The following CPM variants were observed in gnomAD, a reference collection of about 807,000 sequenced individuals.
CPM encodes the protein renal carboxypeptidase.
A neutral mutation model predicts 46.4 loss-of-function variants in CPM; 35 were observed. That is an observed-to-expected ratio of 0.75 (90% CI 0.58 to 1.00). The LOEUF is 1.00. CPM is among the 50% of genes least tolerant of loss of function. The probability of loss-of-function intolerance (pLI) is 0.00; values close to 1 mark genes in which losing one functional copy is unlikely to be tolerated. For synonymous variants in CPM, 195 were observed against 195.3 expected, an observed-to-expected ratio of 1.00 and a Z score of 0.01; for missense variants, 422 against 530.4, an observed-to-expected ratio of 0.80 and a Z score of 2.01.
At chr12:68,873,736 A>G (rs1885815228) in intron 3 of CPM, among the ~76,000 whole-genome samples, 1 of 151,998 alleles carries the variant, frequency 6.6e-6, no homozygotes. Flanking sequence ...AGGCAACCAT[A>G]AAATTTAGAG....
intron 8 of CPM, among the ~76,000 whole-genome samples, chr12:68,858,605 C>T (rs144420987): frequency 6.6e-6 from 1 of 152,148 alleles, no homozygotes; most frequent in East Asian, 1.9e-4. Context: ...TATAAACTAC[C>T]TTTGCTACAT....
At chr12:68,925,945 C>G (rs1303335769) in intron 2 of CPM, among the ~76,000 whole-genome samples, 1 of 152,144 alleles carries the variant, frequency 6.6e-6, no homozygotes, top group Non-Finnish European at 1.5e-5. Flanking sequence ...GGGTCTCACC[C>G]TATCACCCAG....
intron 2 of CPM, among the ~76,000 whole-genome samples, chr12:68,890,817 T>C (rs1886624359): frequency 6.6e-6 from 1 of 151,942 alleles, no homozygotes; most frequent in Admixed American, 6.6e-5. Flanking sequence ...ATGTGGAGAG[T>C]CTCAATGGGA....
intron 6 of CPM, among the ~76,000 whole-genome samples, chr12:68,868,607 A>T (rs1299993181): frequency 6.6e-6 from 1 of 152,042 alleles, no homozygotes; most frequent in Non-Finnish European, 1.5e-5. Flanking sequence ...TCTAATAAGA[A>T]TATCTCTCCT....
At chr12:68,900,580 C>T (rs1420026362) in intron 2 of CPM, among the ~76,000 whole-genome samples, 2 of 152,146 alleles carry the variant, frequency 1.3e-5, no homozygotes, top group Non-Finnish European at 2.9e-5. Flanking sequence ...AATTATACAG[C>T]TATTTACATT....
intron 5 of CPM, chr12:68,845,434 A>G (rs1884212435): frequency 9.6e-6 from 2 of 208,804 alleles, no homozygotes; most frequent in Non-Finnish European, 1.9e-5. Flanking sequence ...AAGCAAGCAG[A>G]TGGGAGGCGT....
intron 2 of CPM, among the ~76,000 whole-genome samples, chr12:68,890,325 G>A (rs564282254): frequency 3.3e-5 from 5 of 151,476 alleles, no homozygotes; most frequent in East Asian, 1.9e-4. Context: ...TGATAAAGCT[G>A]AGTAATTATT....
chr12:68,945,846 CTTTTTTT>C (rs1170064808), intron 1 of CPM, among the ~76,000 whole-genome samples: 77 of 88,466 alleles, frequency 8.7e-4, no homozygotes, highest in African/African-American at 3.1e-3. Flanking sequence ...TTCTTTCTTT[CTTTTTTT>C]TTTTTTTTTT....
intron 2 of CPM, among the ~76,000 whole-genome samples, chr12:68,931,175 T>C (rs377280625): frequency 6.6e-6 from 1 of 152,212 alleles, no homozygotes; most frequent in Non-Finnish European, 1.5e-5. Context: ...GCCCAGGATA[T>C]TGACTTCGCA....
At chr12:68,866,871 GAATT>G in intron 7 of CPM, 21 bp downstream of exon 7, 3 of 1,586,206 alleles carry the variant, frequency 1.9e-6, no homozygotes, top group Non-Finnish European at 2.6e-6. Context: ...TATTAATAGG[GAATT>G]AATAAGAAAA....
chr12:68,889,449 G>C (rs915519072), intron 2 of CPM, among the ~76,000 whole-genome samples: 1 of 152,152 alleles, frequency 6.6e-6, no homozygotes, highest in South Asian at 2.1e-4. Flanking sequence ...TATGGAAAAA[G>C]AATGCAAAAT....
chr12:68,911,509 G>A (rs7964615), intron 2 of CPM, among the ~76,000 whole-genome samples: 10,252 of 152,220 alleles, frequency 0.067, 740 homozygotes, highest in African/African-American at 0.18. Context: ...AGGGTGTTGT[G>A]TAGATTCATT....
intron 2 of CPM, among the ~76,000 whole-genome samples, chr12:68,903,061 A>AGAGCTCT (rs1164398910): frequency 6.6e-6 from 1 of 152,250 alleles, no homozygotes; most frequent in East Asian, 1.9e-4. Context: ...TGTATCTATA[A>AGAGCTCT]GAGCTCTGAG....
At chr12:68,929,460 A>C (rs961130016) in intron 2 of CPM, among the ~76,000 whole-genome samples, 2 of 152,130 alleles carry the variant, frequency 1.3e-5, no homozygotes, top group Non-Finnish European at 2.9e-5. Flanking sequence ...GATTTTTCTG[A>C]ACTAAGTCAT....
intron 2 of CPM, among the ~76,000 whole-genome samples, chr12:68,923,713 G>A (rs938292105): frequency 2.0e-5 from 3 of 152,118 alleles, no homozygotes; most frequent in African/African-American, 7.2e-5. Flanking sequence ...TCCACTAGAA[G>A]ACAAAGAAAT....
chr12:68,866,653 G>A (rs1010690173), intron 7 of CPM, among the ~76,000 whole-genome samples: 1 of 152,110 alleles, frequency 6.6e-6, no homozygotes, highest in Non-Finnish European at 1.5e-5. Context: ...TGGTACTCTG[G>A]ATTTTTATAC....
At chr12:68,918,571 T>G (rs1887905794) in intron 2 of CPM, among the ~76,000 whole-genome samples, 2 of 152,164 alleles carry the variant, frequency 1.3e-5, no homozygotes, top group Non-Finnish European at 2.9e-5. Flanking sequence ...TTGATTTTCC[T>G]CTTCTGCTCA....
intron 2 of CPM, among the ~76,000 whole-genome samples, chr12:68,901,363 G>A (rs79204477): frequency 0.013 from 2,051 of 152,336 alleles, 50 homozygotes; most frequent in African/African-American, 0.045. Flanking sequence ...TGAAAGGTGA[G>A]GCCACCTGGA....
In CPM at chr12:68,856,659, A is replaced by C. The variant is rs751298118; in HGVS notation, c.1110T>G (p.Asp370Glu). ...YIINVTVPGH[D>E]PHITKVIIPE... The stretch of plus-strand genomic sequence containing the variant: ...GAATAATCACCTTTGTGATGTGTGG[A>C]TCATGTCCAGGGACTGTAACCTGAG... Residue 370 changes from aspartate (D) to glutamate (E), a missense_variant, in exon 9 of 9, where the codon GAT becomes GAG. By Grantham distance (45) the Asp-to-Glu change is conservative. Transcript: ENST00000551568. The C allele has an allele frequency of 6.2e-7, 1 of 1,614,214 alleles. No homozygotes were observed. Among genetic ancestry groups the C allele is most frequent in the Non-Finnish European group, 8.5e-7 (1 of 1,180,020 alleles).
Sources: gnomAD v4.1 joint callset for allele counts (sites outside exome capture counted in the v4.1 genomes callset) on GRCh38, gnomAD v4.1.1 for gene constraint, MANE v1.5 for transcripts, NCBI Gene and HGNC (gene_info 2026-07-23, HGNC 2026-07-21) for gene names.